PPP1R14C: variants seen among roughly 807,000 people sequenced by gnomAD.
PPP1R14C encodes the protein protein phosphatase 1 regulatory subunit 14C.
A neutral mutation model predicts 20.4 loss-of-function variants in PPP1R14C; 16 were observed. The observed-to-expected ratio is 0.78, with a 90% CI of 0.53 to 1.19. The LOEUF is 1.19. PPP1R14C is among the 50% of genes most tolerant of loss of function. PPP1R14C has a pLI of 0.00. For missense variants in PPP1R14C, 211 were observed against 220.1 expected (o/e 0.96, Z 0.26); for synonymous variants, 91 against 91.0 (o/e 1.00, Z 0.00).
chr6:150,168,318 C>G (rs189880206), intron 1 of PPP1R14C, among the ~76,000 whole-genome samples: 2 of 151,688 alleles, frequency 1.3e-5, no homozygotes, highest in Non-Finnish European at 2.9e-5. Flanking sequence ...GGGCAGATCA[C>G]GAGCTCAGGA....
At chr6:150,165,521 G>A (rs1777413248) in intron 1 of PPP1R14C, among the ~76,000 whole-genome samples, 2 of 152,236 alleles carry the variant, frequency 1.3e-5, no homozygotes, top group Admixed American at 6.5e-5. Flanking sequence ...AGCCAGTCAT[G>A]CAATAAATAT....
intron 1 of PPP1R14C, among the ~76,000 whole-genome samples, chr6:150,172,719 T>C (rs1886356): frequency 0.25 from 37,928 of 152,102 alleles, 5,025 homozygotes; most frequent in South Asian, 0.35. Flanking sequence ...TTGCTGAAAC[T>C]GGAAGCAGGG....
At chr6:150,199,711 T>G (rs1777852685) in intron 1 of PPP1R14C, among the ~76,000 whole-genome samples, 1 of 151,968 alleles carries the variant, frequency 6.6e-6, no homozygotes, top group South Asian at 2.1e-4. Flanking sequence ...CTCTGCAAAA[T>G]TTTTAACATT....
intron 1 of PPP1R14C, among the ~76,000 whole-genome samples, chr6:150,183,517 T>G (rs1270812636): frequency 1.3e-5 from 2 of 152,132 alleles, no homozygotes; most frequent in African/African-American, 4.8e-5. Flanking sequence ...CTGGGACATT[T>G]CTTTTTTTTT....
Position 150,143,373 on chromosome 6 carries a change from C to T in PPP1R14C, c.181C>T (p.Gln61Ter), listed in dbSNP as rs1205046883. Residue 61 changes from glutamine (Q) to a stop codon, truncating the protein, a stop_gained, in exon 1 of 4, where the codon CAG becomes TAG. Coordinates refer to ENST00000361131, the MANE Select transcript of PPP1R14C (RefSeq NM_030949.3). LOFTEE classifies it high-confidence loss of function. The surrounding 1 kb of genome is among the most constrained non-coding windows in gnomAD (Gnocchi z 5.6). ...GGCGGCCGCTGCAGGGCAGGTTCAGCAGCAACAGCAGCGGCGACACCAGCA... is the reference window on the plus strand; with the variant it reads ...GGCGGCCGCTGCAGGGCAGGTTCAGTAGCAACAGCAGCGGCGACACCAGCA... ...ATAAAAGQVQQQQQRRHQQGK... is the reference protein window; with the variant it reads ...ATAAAAGQVQ 3 of 1,611,504 alleles carry T rather than the reference C, an allele frequency of 1.9e-6. No homozygotes were observed. The highest frequency in any genetic ancestry group is 1.1e-5 in the South Asian group (1 of 90,672).
intron 3 of PPP1R14C, among the ~76,000 whole-genome samples, chr6:150,244,077 T>C (rs1308891158): frequency 6.6e-6 from 1 of 152,142 alleles, no homozygotes; most frequent in Non-Finnish European, 1.5e-5. Flanking sequence ...GTTTCCATGA[T>C]GTTAGATCAT....
At chr6:150,211,016 T>G (rs877906) in intron 1 of PPP1R14C, among the ~76,000 whole-genome samples, 58,501 of 152,086 alleles carry the variant, frequency 0.38, 12,673 homozygotes, top group African/African-American at 0.59. Context: ...CTCTTGGGAG[T>G]GCTCTCCCTT....
At position 150,194,656 on chromosome 6, in the gene PPP1R14C, C is replaced by T. The variant is rs1005985772; in HGVS notation, c.307-20088C>T. The T allele has an allele frequency of 5.4e-5, 53 of 985,264 alleles. No individual in the cohort carries two copies. The African/African-American group carries it at 7.7e-4, about 14-fold the overall frequency. 61.0% of individuals were successfully genotyped at this position (985,264 alleles called of 1,614,324 possible). Reference sequence around the variant, plus strand: ...GCTTCTGACTACTCCTAACTCACCTCGCCTTTAGCACAAACAGTTCTGTCC... The same window carrying T: ...GCTTCTGACTACTCCTAACTCACCTTGCCTTTAGCACAAACAGTTCTGTCC... On this transcript the variant is annotated intron_variant, in intron 1 of 3. Coordinates refer to ENST00000361131, the MANE Select transcript of PPP1R14C (RefSeq NM_030949.3).
chr6:150,175,275 CGTGGA>C (rs1777549166), intron 1 of PPP1R14C, among the ~76,000 whole-genome samples: 2 of 152,186 alleles, frequency 1.3e-5, no homozygotes, highest in South Asian at 4.2e-4. Context: ...TGCTGAGAGC[CGTGGA>C]GAAGGTGGTG....
chr6:150,210,031 GTGT>G (rs1436438543), intron 1 of PPP1R14C, among the ~76,000 whole-genome samples: 3 of 152,156 alleles, frequency 2.0e-5, no homozygotes, highest in African/African-American at 7.2e-5. Flanking sequence ...GTGTGTGTGT[GTGT>G]TGTCACTGCG....
chr6:150,167,637 G>T (rs878861843), intron 1 of PPP1R14C, among the ~76,000 whole-genome samples: 2 of 152,080 alleles, frequency 1.3e-5, no homozygotes, highest in Admixed American at 1.3e-4. Context: ...GACAGTAAGG[G>T]AGGAGACAGA....
chr6:150,230,382 A>G (rs1031195846), intron 3 of PPP1R14C, among the ~76,000 whole-genome samples: 9 of 152,198 alleles, frequency 5.9e-5, no homozygotes, highest in African/African-American at 2.2e-4. Context: ...CCCAGGGCAG[A>G]TGGCTCCTGT....
At chr6:150,213,986 C>A (rs999323609) in intron 1 of PPP1R14C, among the ~76,000 whole-genome samples, 1 of 152,238 alleles carries the variant, frequency 6.6e-6, no homozygotes, top group African/African-American at 2.4e-5. Context: ...GTGGAGTCAG[C>A]CTCATCCAAA....
intron 1 of PPP1R14C, among the ~76,000 whole-genome samples, chr6:150,173,213 C>T (rs901260530): frequency 2.6e-5 from 4 of 152,084 alleles, no homozygotes; most frequent in African/African-American, 7.2e-5. Context: ...ATTTTTTCCA[C>T]GAATGCCCTG....
chr6:150,213,649 G>A (rs1373405008), intron 1 of PPP1R14C, among the ~76,000 whole-genome samples: 1 of 152,188 alleles, frequency 6.6e-6, no homozygotes, highest in Non-Finnish European at 1.5e-5. Context: ...TCTCTTAAAT[G>A]CTCTTTTATT....
intron 1 of PPP1R14C, among the ~76,000 whole-genome samples, chr6:150,149,455 C>CTTTT (rs869244401): frequency 5.9e-3 from 209 of 35,400 alleles, no homozygotes; most frequent in African/African-American, 9.5e-3. Context: ...TTTTTTTTTT[C>CTTTT]TTTTTTTTTT....
intron 1 of PPP1R14C, among the ~76,000 whole-genome samples, chr6:150,188,982 C>T (rs947313168): frequency 6.6e-6 from 1 of 152,050 alleles, no homozygotes; most frequent in Non-Finnish European, 1.5e-5. Flanking sequence ...CCTCAGCCTC[C>T]TGAGTAGCTG....
intron 1 of PPP1R14C, among the ~76,000 whole-genome samples, chr6:150,188,433 G>A (rs374364634): frequency 4.6e-5 from 7 of 151,972 alleles, no homozygotes; most frequent in South Asian, 2.1e-4. Flanking sequence ...CCTGATGGGC[G>A]GGTCCTGCGG....
intron 3 of PPP1R14C, among the ~76,000 whole-genome samples, chr6:150,246,992 A>G (rs772317901): frequency 6.6e-6 from 1 of 152,172 alleles, no homozygotes; most frequent in African/African-American, 2.4e-5. Flanking sequence ...TGAGGACTGC[A>G]TTGTTGCTGG....
Sources: gnomAD v4.1 joint callset for allele counts (sites outside exome capture counted in the v4.1 genomes callset) on GRCh38, gnomAD v4.1.1 for gene constraint, Gnocchi (gnomAD v3.1) non-coding constraint, MANE v1.5 for transcripts, NCBI Gene and HGNC (gene_info 2026-07-23, HGNC 2026-07-21) for gene names.